PATJ: variants seen among roughly 807,000 people sequenced by gnomAD.
The protein encoded by PATJ is PATJ crumbs cell polarity complex component.
PATJ carries 190 observed loss-of-function variants against 224.9 expected under a neutral mutation model. The ratio of observed to expected loss-of-function variants is 0.84; its 90% CI spans 0.75 to 0.95. The LOEUF is 0.95. Ranked by LOEUF, PATJ falls within the 40% of genes least tolerant of loss-of-function variation. The pLI is 0.00. For synonymous variants in PATJ, 769 were observed against 820.3 expected, an observed-to-expected ratio of 0.94 and a Z score of 1.07; for missense variants, 2,121 against 2,270.3, an observed-to-expected ratio of 0.93 and a Z score of 1.34.
At chr1:62,133,261 G>A (rs1478454327) in intron 41 of PATJ, among the ~76,000 whole-genome samples, 2 of 151,798 alleles carry the variant, frequency 1.3e-5, no homozygotes, top group Non-Finnish European at 2.9e-5. Context: ...TTTTTATTAT[G>A]TACACACAAA....
intron 12 of PATJ, among the ~76,000 whole-genome samples, chr1:61,802,592 A>G (rs751066161): frequency 1.4e-4 from 21 of 152,260 alleles, no homozygotes; most frequent in Admixed American, 5.2e-4. Context: ...TATCATTGAT[A>G]TGTCTATATC....
intron 28 of PATJ, among the ~76,000 whole-genome samples, chr1:62,005,960 C>G (rs1481601530): frequency 6.6e-6 from 1 of 152,174 alleles, no homozygotes; most frequent in Admixed American, 6.5e-5. Flanking sequence ...TCAGGCAAAT[C>G]TATTACTTGA....
chr1:62,151,089 A>C (rs1299343863), intron 42 of PATJ, among the ~76,000 whole-genome samples: 1 of 151,872 alleles, frequency 6.6e-6, no homozygotes, highest in African/African-American at 2.4e-5. Flanking sequence ...CGGTGAGCCA[A>C]GATCACGCCA....
At chr1:61,863,402 A>C (rs1182350008) in intron 19 of PATJ, among the ~76,000 whole-genome samples, 1 of 152,186 alleles carries the variant, frequency 6.6e-6, no homozygotes, top group East Asian at 1.9e-4. Flanking sequence ...AATAGAAAAG[A>C]ATAGATTTAT....
In PATJ at chr1:61,771,479, G is replaced by A. The variant is rs745670985; in HGVS notation, c.573G>A (p.Thr191=). 12 of 1,608,172 alleles carry A rather than the reference G, an allele frequency of 7.5e-6. No homozygotes were observed. Among genetic ancestry groups the A allele is most frequent in the Admixed American group, 3.4e-5 (2 of 58,950 alleles). ...ENDQILAINH[T]PLDQNISHQQ... ...ATCAAATATTGGCCATTAATCACAC[G>A]CCATTGGATCAGAACATTTCCCATC... The change falls in exon 6 of 44, where the codon ACG becomes ACA. Residue 191 remains threonine (T), a synonymous_variant. Transcript: ENST00000642238.
chr1:61,974,405 CTTTTT>C (rs149825131), intron 27 of PATJ, among the ~76,000 whole-genome samples: 11 of 64,242 alleles, frequency 1.7e-4, no homozygotes, highest in Non-Finnish European at 2.9e-4. Flanking sequence ...CTCTCTCTCT[CTTTTT>C]TTTTTTTTTT....
At chr1:62,031,281 G>A (rs1649234453) in intron 29 of PATJ, among the ~76,000 whole-genome samples, 1 of 152,170 alleles carries the variant, frequency 6.6e-6, no homozygotes, top group South Asian at 2.1e-4. Flanking sequence ...AGGAAGAAAA[G>A]TTGAAGCTAG....
At chr1:62,114,481 G>A (rs1558188531) in intron 35 of PATJ, 3 of 404,268 alleles carry the variant, frequency 7.4e-6, no homozygotes, top group Non-Finnish European at 1.3e-5. Context: ...TCTGTACAGA[G>A]TAAGAACAAC....
Position 62,153,492 on chromosome 1 carries a change from T to C in PATJ, c.5502+11T>C, listed in dbSNP as rs1354766868. 4.1e-6 allele frequency: 5 copies of C among 1,229,490 alleles called. No individual in the cohort carries two copies. The highest frequency in any genetic ancestry group is 5.1e-6 in the Non-Finnish European group (5 of 985,702). 76.2% of individuals were successfully genotyped at this position (1,229,490 alleles called of 1,614,324 possible). On this transcript the variant is annotated intron_variant, in intron 43 of 43. Coordinates refer to ENST00000642238, the MANE Select transcript of PATJ (RefSeq NM_001350145.3). ...ACTGTATTTGCAAAGGTATATCTTC[T>C]TTTTTAATGTACTTTTTTAAAAAAA...
chr1:61,936,310 T>C (rs1350373617), intron 27 of PATJ, among the ~76,000 whole-genome samples: 3 of 150,666 alleles, frequency 2.0e-5, no homozygotes, highest in Non-Finnish European at 4.4e-5. Context: ...ATCCCAAACC[T>C]CTCCCCTTCT....
intron 29 of PATJ, among the ~76,000 whole-genome samples, chr1:62,024,788 A>G (rs1337595525): frequency 6.6e-6 from 1 of 151,932 alleles, no homozygotes; most frequent in Non-Finnish European, 1.5e-5. Context: ...TCTCACTGCC[A>G]AAGTGTGGCC....
intron 27 of PATJ, among the ~76,000 whole-genome samples, chr1:61,936,451 A>AAC (rs1676889284): frequency 6.7e-6 from 1 of 149,068 alleles, no homozygotes; most frequent in Non-Finnish European, 1.5e-5. Context: ...AAAAAAAAAA[A>AAC]GCCGGAAAGG....
intron 14 of PATJ, among the ~76,000 whole-genome samples, chr1:61,813,251 ATGTTCT>A (rs1655212370): frequency 6.7e-6 from 1 of 149,752 alleles, no homozygotes; most frequent in Non-Finnish European, 1.5e-5. Flanking sequence ...CAGGCAGAAG[ATGTTCT>A]TTCTCACTCT....
Position 62,148,120 on chromosome 1 carries a change from T to TAAA in PATJ, c.5272-164_5272-163insAAA, listed in dbSNP as rs1558235712. On this transcript the variant is annotated intron_variant, in intron 41 of 43. Coordinates refer to ENST00000642238, the MANE Select transcript of PATJ (RefSeq NM_001350145.3). ...TGAGCAACAGAGTGAGACACTGTCT[T>TAAA]TAAAAAAAAAAAAAAAAAAAAGTTT... Among the ~76,000 whole-genome samples the TAAA allele has an allele frequency of 2.7e-4, 29 of 108,476 alleles. 2 individuals are homozygous for TAAA. Among genetic ancestry groups the TAAA allele is most frequent in the Admixed American group, 4.5e-4 (4 of 8,808 alleles). The allele number at this position is 108,476 out of a possible 152,430, so 71.2% of individuals were successfully genotyped here. A position where few individuals can be genotyped will look rare whatever the true frequency, so the allele number is the denominator to read the frequency against.
At chr1:61,809,965 C>T (rs1654374980) in intron 14 of PATJ, among the ~76,000 whole-genome samples, 1 of 151,828 alleles carries the variant, frequency 6.6e-6, no homozygotes, top group Non-Finnish European at 1.5e-5. Flanking sequence ...CCTGCCTCAG[C>T]CTCCCAAGTA....
intron 27 of PATJ, among the ~76,000 whole-genome samples, chr1:61,989,935 G>GC (rs1644967995): frequency 6.6e-6 from 1 of 152,128 alleles, no homozygotes. Flanking sequence ...TACTTGGGAG[G>GC]CTGAGGCAGG....
intron 34 of PATJ, among the ~76,000 whole-genome samples, chr1:62,113,840 C>T (rs1664139254): frequency 6.6e-6 from 1 of 152,136 alleles, no homozygotes; most frequent in Admixed American, 6.5e-5. Flanking sequence ...ATCATGTATC[C>T]ACCCTTTGTG....
At chr1:61,867,040 G>A (rs1445608007) in intron 20 of PATJ, among the ~76,000 whole-genome samples, 3 of 152,178 alleles carry the variant, frequency 2.0e-5, no homozygotes, top group African/African-American at 4.8e-5. Context: ...GTTTTGGTGG[G>A]TTTTGGCTGG....
chr1:61,764,360 T>C (rs1646143975), intron 3 of PATJ, among the ~76,000 whole-genome samples: 1 of 152,126 alleles, frequency 6.6e-6, no homozygotes, highest in Admixed American at 6.5e-5. Flanking sequence ...TAATACATCA[T>C]TATTGAATAA....
Sources: allele counts gnomAD v4.1 joint callset (sites outside exome capture counted in the v4.1 genomes callset), GRCh38; gene constraint gnomAD v4.1.1; transcripts MANE v1.5; gene names NCBI Gene and HGNC (gene_info 2026-07-23, HGNC 2026-07-21).